KCNH7: variants seen among roughly 807,000 people sequenced by gnomAD.
KCNH7 encodes the protein potassium voltage-gated channel subfamily H member 7.
Under a neutral mutation model 120.8 loss-of-function variants are expected in KCNH7, and 49 were observed. The ratio of observed to expected loss-of-function variants is 0.41; its 90% CI spans 0.32 to 0.51. KCNH7 has a LOEUF of 0.51. KCNH7 is among the 20% of genes least tolerant of loss of function. KCNH7 has a pLI of 0.38. For synonymous variants in KCNH7, 547 were observed against 516.1 expected, an observed-to-expected ratio of 1.06 and a Z score of -0.81; for missense variants, 1,097 against 1,446.6, an observed-to-expected ratio of 0.76 and a Z score of 3.92.
intron 2 of KCNH7, among the ~76,000 whole-genome samples, chr2:162,799,363 T>G (rs1343672396): frequency 6.6e-6 from 1 of 152,124 alleles, no homozygotes; most frequent in African/African-American, 2.4e-5. Flanking sequence ...AATATTTTAC[T>G]ATCGAACTGC....
chr2:162,571,250 A>G (rs2105899010), intron 2 of KCNH7, among the ~76,000 whole-genome samples: 1 of 152,236 alleles, frequency 6.6e-6, no homozygotes, highest in South Asian at 2.1e-4. Context: ...ATACACCAAC[A>G]ACAGACAAAC....
At chr2:162,533,328 A>G (rs1054740489) in intron 3 of KCNH7, among the ~76,000 whole-genome samples, 2 of 151,754 alleles carry the variant, frequency 1.3e-5, no homozygotes, top group Non-Finnish European at 2.9e-5. Flanking sequence ...TTGCGTCAAT[A>G]AATGTAAATA....
chr2:162,705,517 T>G (rs1270830280), intron 2 of KCNH7, among the ~76,000 whole-genome samples: 1 of 152,130 alleles, frequency 6.6e-6, no homozygotes, highest in East Asian at 1.9e-4. Context: ...TTCTCATTTG[T>G]TAGTTATGTC....
At chr2:162,534,616 CACAA>C (rs1382787599) in intron 3 of KCNH7, among the ~76,000 whole-genome samples, 2 of 151,592 alleles carry the variant, frequency 1.3e-5, no homozygotes, top group East Asian at 1.9e-4. Flanking sequence ...GGAGCTACTT[CACAA>C]ACAATTACCA....
chr2:162,474,385 C>G (rs551299578), intron 6 of KCNH7, among the ~76,000 whole-genome samples: 1 of 152,222 alleles, frequency 6.6e-6, no homozygotes, highest in Non-Finnish European at 1.5e-5. Flanking sequence ...TTAAAGACCA[C>G]TTTGCCATAG....
Position 162,817,620 on chromosome 2 carries a change from C to T in KCNH7, c.307+18917G>A, listed in dbSNP as rs115286798. ...CTGGGCCATATAGATGTATATTTAC[C>T]TTTATAATGAAACAGTATACAGTAT... is the stretch of plus-strand genomic sequence containing the variant. On this transcript the variant is annotated intron_variant, in intron 2 of 15. Coordinates refer to ENST00000332142, the MANE Select transcript of KCNH7 (RefSeq NM_033272.4). Among the ~76,000 whole-genome samples the T allele has an allele frequency of 3.3e-3, 508 of 152,118 alleles. 4 individuals carry two copies. The highest frequency in any genetic ancestry group is 0.011 in the African/African-American group (476 of 41,538).
At chr2:162,382,447 G>A (rs955250230) in intron 13 of KCNH7, among the ~76,000 whole-genome samples, 4 of 152,026 alleles carry the variant, frequency 2.6e-5, no homozygotes, top group Admixed American at 2.6e-4. Context: ...GCACTTGGTT[G>A]CCTTGGAAAA....
At chr2:162,539,784 A>G (rs1485980) in intron 2 of KCNH7, among the ~76,000 whole-genome samples, 28,890 of 151,996 alleles carry the variant, frequency 0.19, 4,903 homozygotes, top group African/African-American at 0.45. Flanking sequence ...ACATTCACAT[A>G]CTTTTCTCTT....
intron 2 of KCNH7, among the ~76,000 whole-genome samples, chr2:162,732,451 G>C (rs1029252163): frequency 6.6e-6 from 1 of 152,030 alleles, no homozygotes; most frequent in East Asian, 1.9e-4. Context: ...TATTCATATG[G>C]ATAAGGAGCG....
chr2:162,800,890 T>C (rs1311890328), intron 2 of KCNH7, among the ~76,000 whole-genome samples: 1 of 151,836 alleles, frequency 6.6e-6, no homozygotes, highest in Non-Finnish European at 1.5e-5. Flanking sequence ...GTTTTTTTAT[T>C]GGGTGTCAAG....
chr2:162,798,817 C>T (rs753334033), intron 2 of KCNH7, among the ~76,000 whole-genome samples: 3 of 151,898 alleles, frequency 2.0e-5, no homozygotes, highest in South Asian at 2.1e-4. Flanking sequence ...TTATCAAGTG[C>T]GTAGTGCAAA....
chr2:162,808,666 G>C (rs985527423), intron 2 of KCNH7, among the ~76,000 whole-genome samples: 2 of 151,928 alleles, frequency 1.3e-5, no homozygotes, highest in Non-Finnish European at 2.9e-5. Context: ...TATTTGTTCA[G>C]TTTACTTCCA....
chr2:162,790,228 C>T (rs764551010), intron 2 of KCNH7, among the ~76,000 whole-genome samples: 16 of 150,568 alleles, frequency 1.1e-4, no homozygotes, highest in South Asian at 2.1e-4. Context: ...ATTGGATAAC[C>T]GAGAAGAAAT....
chr2:162,670,127 T>A (rs140000595), intron 2 of KCNH7, among the ~76,000 whole-genome samples: 1 of 149,290 alleles, frequency 6.7e-6, no homozygotes, highest in Non-Finnish European at 1.5e-5. Context: ...AGAAGAAAAT[T>A]GACTCCCAAA....
chr2:162,414,402 TAGTATA>T (rs941989436), intron 9 of KCNH7, among the ~76,000 whole-genome samples: 16 of 151,440 alleles, frequency 1.1e-4, no homozygotes, highest in Non-Finnish European at 1.8e-4. Flanking sequence ...AAGAAACCAT[TAGTATA>T]AGTATAATAT....
At chr2:162,547,703 C>A (rs1475468303) in intron 2 of KCNH7, among the ~76,000 whole-genome samples, 1 of 151,264 alleles carries the variant, frequency 6.6e-6, no homozygotes, top group Non-Finnish European at 1.5e-5. Flanking sequence ...TGGTCTAATG[C>A]ATGCAAAGGT....
At chr2:162,823,237 T>TG (rs1406769301) in intron 2 of KCNH7, among the ~76,000 whole-genome samples, 1 of 20,274 alleles carries the variant, frequency 4.9e-5, no homozygotes, top group Non-Finnish European at 1.7e-4. Flanking sequence ...TGCTAAAAAT[T>TG]GAAAAAAAAA....
At chr2:162,637,951 G>A (rs887119732) in intron 2 of KCNH7, among the ~76,000 whole-genome samples, 2 of 152,100 alleles carry the variant, frequency 1.3e-5, no homozygotes, top group African/African-American at 4.8e-5. Flanking sequence ...GGGTTACCAT[G>A]ATTGAGGGAA....
chr2:162,421,149 C>T (rs944239024), intron 9 of KCNH7, among the ~76,000 whole-genome samples: 1 of 152,064 alleles, frequency 6.6e-6, no homozygotes, highest in African/African-American at 2.4e-5. Flanking sequence ...GTCAAGCTCT[C>T]AAAACCACAT....
Sources: gnomAD v4.1 joint callset for allele counts (sites outside exome capture counted in the v4.1 genomes callset) on GRCh38, gnomAD v4.1.1 for gene constraint, MANE v1.5 for transcripts, NCBI Gene and HGNC (gene_info 2026-07-23, HGNC 2026-07-21) for gene names.